Variants in ESYT1 observed in about 807,000 individuals in gnomAD.
The protein encoded by ESYT1 is extended synaptotagmin-1.
In ESYT1, 116 loss-of-function variants were observed where a neutral mutation model predicts 154.2. That is an observed-to-expected ratio of 0.75 (90% CI 0.65 to 0.88). The LOEUF (loss-of-function observed/expected upper bound fraction) is 0.88, where lower values mean the gene tolerates loss of function less well. Ranked by LOEUF, ESYT1 falls within the 40% of genes least tolerant of loss-of-function variation. The pLI, the probability that ESYT1 is intolerant of heterozygous loss-of-function variation, is 0.00. For missense variants in ESYT1, 1,264 were observed against 1,379.3 expected (o/e 0.92, Z 1.32); for synonymous variants, 500 against 539.9 (o/e 0.93, Z 1.02).
chr12:56,129,468 T>C (rs1870140920), intron 1 of ESYT1: 2 of 152,732 alleles, frequency 1.3e-5, no homozygotes. Flanking sequence ...GGATGCCTTC[T>C]CTCTAGTCTT....
chr12:56,132,380 G>C (rs889612442), intron 8 of ESYT1, 41 bp from the exon 9 acceptor site: 1 of 1,614,028 alleles, frequency 6.2e-7, no homozygotes, highest in African/African-American at 1.3e-5. Context: ...GGAACCCCTT[G>C]CTGGGTCCTT....
rs151329688 is a variant in ESYT1, at chr12:56,128,565, C to G, written c.246C>G (p.Leu82=). The change falls in exon 1 of 31, where the codon CTC becomes CTG. Residue 82 remains leucine (L), a synonymous_variant. Coordinates refer to ENST00000394048, the MANE Select transcript of ESYT1 (RefSeq NM_015292.3). ...GAVGLSVGFV[L]FGLALYLGWR... The stretch of plus-strand genomic sequence containing the variant: ...TGGGACTCAGCGTGGGTTTCGTGCT[C>G]TTCGGCCTCGCCCTCTACCTGGGCT... 4.9e-4 allele frequency: 797 copies of G among 1,613,852 alleles called. 8 individuals carry two copies. In the African/African-American group the frequency reaches 9.2e-3, roughly 19 times the overall value.
At position 56,139,019 on chromosome 12, in the gene ESYT1, G is replaced by A. The variant is rs375630766; in HGVS notation, c.2592+6G>A. ...CTGAGAGCCTAGAGTTGCAGGTACT[G>A]TAAATTCATTCTTCAAATATTTAGC... On this transcript the variant is annotated splice_donor_region_variant and intron_variant, in intron 24 of 30. Coordinates refer to ENST00000394048, the MANE Select transcript of ESYT1 (RefSeq NM_015292.3). 30 of 1,607,624 alleles carry A rather than the reference G, an allele frequency of 1.9e-5. 1 individual carries two copies. The African/African-American group carries it at 2.7e-4, about 14-fold the overall frequency.
intron 15 of ESYT1, among the ~76,000 whole-genome samples, chr12:56,135,467 C>T (rs978700238): frequency 2.6e-5 from 4 of 151,404 alleles, no homozygotes; most frequent in Admixed American, 6.6e-5. Flanking sequence ...CCACCGTGCC[C>T]GGCCCAACAT....
Position 56,142,460 on chromosome 12 carries a change from G to C in ESYT1, c.2733+35G>C, listed in dbSNP as rs752699145. The C allele has an allele frequency of 6.2e-7, 1 of 1,608,024 alleles. No homozygotes were observed. The highest frequency in any genetic ancestry group is 1.1e-5 in the South Asian group (1 of 90,642). ...AGGAGATGGTGGGCAGGATGAGAGG[G>C]AGGAGGGGAGGGCCTTCACAGGTGA... is the stretch of plus-strand genomic sequence containing the variant. On this transcript the variant is annotated intron_variant, in intron 25 of 30. Coordinates refer to ENST00000394048, the MANE Select transcript of ESYT1 (RefSeq NM_015292.3). The surrounding 1 kb of genome is among the most constrained non-coding windows in gnomAD (Gnocchi z 4.1).
At chr12:56,140,009 G>T (rs1356062083) in intron 24 of ESYT1, among the ~76,000 whole-genome samples, 1 of 151,968 alleles carries the variant, frequency 6.6e-6, no homozygotes, top group Non-Finnish European at 1.5e-5. Context: ...TGGGATAACA[G>T]GTGCACACTA....
chr12:56,136,348 T>C (rs1047471271), intron 15 of ESYT1, among the ~76,000 whole-genome samples: 4 of 151,912 alleles, frequency 2.6e-5, no homozygotes, highest in Non-Finnish European at 4.4e-5. Context: ...AAAAGATGGC[T>C]CTGGCCGAGG....
Position 56,133,589 on chromosome 12 carries a change from G to A in ESYT1, c.1295G>A (p.Trp432Ter). The A allele has an allele frequency of 1.2e-6, 2 of 1,614,170 alleles. No homozygotes were observed. The highest frequency in any genetic ancestry group is 1.7e-6 in the Non-Finnish European group (2 of 1,180,008). ...CTACTACATCTCAATTTCTTCTAGT[G>A]GTTCCCTCTACAAGGTGGGCAAGGC... ...KVLQASVLDD[W>*]FPLQGGQGQV... The change falls in exon 12 of 31, where the codon TGG becomes TAG. Residue 432 changes from tryptophan (W) to a stop codon, truncating the protein, a stop_gained and splice_region_variant. Coordinates refer to ENST00000394048, the MANE Select transcript of ESYT1 (RefSeq NM_015292.3). LOFTEE classifies it high-confidence loss of function.
In ESYT1 at chr12:56,143,334, G is replaced by A. The variant is rs764364347; in HGVS notation, c.3225+1G>A. The A allele has an allele frequency of 1.3e-5, 21 of 1,613,808 alleles. No individual in the cohort carries two copies. The highest frequency in any genetic ancestry group is 1.8e-5 in the Non-Finnish European group (21 of 1,179,922). The stretch of plus-strand genomic sequence containing the variant: ...AAGAGAGCGTGAGCTGCTGGGGAAG[G>A]TAAGAGGGCAGGATGGCAGGGCAGA... On this transcript the variant is annotated splice_donor_variant, in intron 29 of 30. Transcript: ENST00000394048. LOFTEE classifies it high-confidence loss of function.
chr12:56,130,346 A>G, intron 1 of ESYT1: 1 of 596,630 alleles, frequency 1.7e-6, no homozygotes, highest in Non-Finnish European at 3.0e-6. Context: ...CACGTCCCTG[A>G]GCTATCCACA....
rs1458151760 is a variant in ESYT1 at position 56,138,222 on chromosome 12, T to C, written c.2287T>C (p.Leu763=). Residue 763 remains leucine (L), a synonymous_variant, in exon 21 of 31, where the codon TTG becomes CTG. Transcript: ENST00000394048. The part of the protein sequence containing the change: ...LEDVPSGRLH[L]RLERLTPRPT... ...GGATGTCCCATCTGGCCGCCTGCACTTGCGCCTGGAGCGTCTCACCCCCCG... is the reference window on the plus strand; with the variant it reads ...GGATGTCCCATCTGGCCGCCTGCACCTGCGCCTGGAGCGTCTCACCCCCCG... 1.2e-6 allele frequency: 2 copies of C among 1,614,208 alleles called. No individual in the cohort carries two copies. Among genetic ancestry groups the C allele is most frequent in the Admixed American group, 3.3e-5 (2 of 60,020 alleles).
Position 56,142,918 on chromosome 12 carries a change from T to C in ESYT1, c.2972T>C (p.Ile991Thr). 6.2e-7 allele frequency: 1 copy of C among 1,614,144 alleles called. No individual in the cohort carries two copies. ...AGTGAAGAACGAAAGCTGGTCAGCA[T>C]TGTTCATGGTTGCCGGTGAGACCCC... ...YYSEERKLVS[I>T]VHGCRSLRQN... The change falls in exon 27 of 31, where the codon ATT becomes ACT. Residue 991 changes from isoleucine to threonine, a missense_variant. Physicochemically the swap from Ile to Thr is moderately conservative, Grantham distance 89 (BLOSUM62 -1). Transcript: ENST00000394048. This position sits in a 1 kb window ranked among gnomAD's most constrained non-coding sequence, Gnocchi z 4.1.
rs1436656428 is a variant in ESYT1 at position 56,138,699 on chromosome 12, A to C, written c.2434-69A>C. On this transcript the variant is annotated intron_variant, in intron 22 of 30. Transcript: ENST00000394048. ...ATGGAGACATGGCTGCTGGCTGTGG[A>C]TATAATTTGTGAGGGGGATCTGCCT... 28 of 1,470,288 alleles carry C rather than the reference A, an allele frequency of 1.9e-5. No homozygotes were observed. In the East Asian group the frequency reaches 6.1e-4, roughly 32 times the overall value. The allele number at this position is 1,470,288 out of a possible 1,614,324, so 91.1% of individuals were successfully genotyped here.
rs1870578471 is a variant in ESYT1 at position 56,138,946 on chromosome 12, C to T, written c.2525C>T (p.Ala842Val). The T allele has an allele frequency of 6.2e-7, 1 of 1,613,992 alleles. No individual in the cohort carries two copies. Among genetic ancestry groups the T allele is most frequent in the Admixed American group, 1.7e-5 (1 of 60,002 alleles). Reference protein sequence around the residue: ...HKTKTISQTSAPVWDESASFL... With the variant: ...HKTKTISQTSVPVWDESASFL... ...CACCAGACTATTTCGCAAACTTCAG[C>T]CCCTGTCTGGGATGAGAGTGCCTCC... The change falls in exon 24 of 31, where the codon GCC becomes GTC. Residue 842 changes from alanine to valine, a missense_variant. By Grantham distance (64) the Ala-to-Val change is moderately conservative (BLOSUM62 0). Coordinates refer to ENST00000394048, the MANE Select transcript of ESYT1 (RefSeq NM_015292.3).
chr12:56,140,787 G>T (rs1271395782), intron 24 of ESYT1, among the ~76,000 whole-genome samples: 1 of 152,182 alleles, frequency 6.6e-6, no homozygotes, highest in Non-Finnish European at 1.5e-5. Flanking sequence ...TGAGGAGACT[G>T]TTAGAGCAGT....
chr12:56,136,652 G>A, intron 15 of ESYT1, 92 bp from the exon 16 acceptor site: 1 of 1,139,456 alleles, frequency 8.8e-7, no homozygotes, highest in African/African-American at 1.6e-5. Flanking sequence ...TTGGTACAGA[G>A]AGGAATGAAG....
In ESYT1 at chr12:56,133,613, G is replaced by C; in HGVS notation, c.1319G>C (p.Gly440Ala). Residue 440 changes from glycine to alanine, a missense_variant, in exon 12 of 31, where the codon GGC (glycine) becomes GCC (alanine). Physicochemically the swap from Gly to Ala is moderately conservative, Grantham distance 60. Coordinates refer to ENST00000394048, the MANE Select transcript of ESYT1 (RefSeq NM_015292.3). ...TGGTTCCCTCTACAAGGTGGGCAAG[G>C]CCAAGTTCACTTGAGGCTAGAATGG... ...DDWFPLQGGQ[G>A]QVHLRLEWLS... is the part of the protein sequence containing the mutation. The C allele has an allele frequency of 6.2e-7, 1 of 1,614,192 alleles. No individual in the cohort carries two copies. Among genetic ancestry groups the C allele is most frequent in the Non-Finnish European group, 8.5e-7 (1 of 1,180,036 alleles).
rs577248869 is a variant in ESYT1 at position 56,135,826 on chromosome 12, T to A, written c.1633-918T>A. 1.1e-4 allele frequency among the ~76,000 whole-genome samples: 16 copies of A among 150,780 alleles called. No homozygotes were observed. The South Asian group carries it at 2.3e-3, about 22-fold the overall frequency. On this transcript the variant is annotated intron_variant, in intron 15 of 30. Coordinates refer to ENST00000394048, the MANE Select transcript of ESYT1 (RefSeq NM_015292.3). ...ATTGCTTGAGTCCGGGAGGCGGAGG[T>A]TGCAGTGAGCCAAGATAGCGTCACT...
rs1418424192 is a variant in ESYT1 at position 56,132,816 on chromosome 12, G to C, written c.1244+15G>C. On this transcript the variant is annotated intron_variant, in intron 10 of 30. Transcript: ENST00000394048. ...TTTCTGGGCAGGTGAGACTCTGCCTGTTAGGATTCTAAAGCCCATGCTGGC... is the reference window on the plus strand; with the variant it reads ...TTTCTGGGCAGGTGAGACTCTGCCTCTTAGGATTCTAAAGCCCATGCTGGC... 1 of 1,610,510 alleles carries C rather than the reference G, an allele frequency of 6.2e-7. No individual in the cohort carries two copies. The highest frequency in any genetic ancestry group is 1.7e-5 in the Admixed American group (1 of 59,978).
Sources: gnomAD v4.1 joint callset for allele counts (sites outside exome capture counted in the v4.1 genomes callset) on GRCh38, gnomAD v4.1.1 for gene constraint, Gnocchi (gnomAD v3.1) non-coding constraint, MANE v1.5 for transcripts, NCBI Gene and HGNC (gene_info 2026-07-23, HGNC 2026-07-21) for gene names.